HTR2C: variants seen among roughly 807,000 people sequenced by gnomAD.
HTR2C encodes the protein 5-hydroxytryptamine (serotonin) receptor 2C, G protein-coupled.
In HTR2C, 5 loss-of-function variants were observed where a neutral mutation model predicts 21.0. That is an observed-to-expected ratio of 0.24 (90% CI 0.12 to 0.50). The LOEUF (loss-of-function observed/expected upper bound fraction) is 0.50, where lower values mean the gene tolerates loss of function less well. HTR2C is among the 20% of genes least tolerant of loss of function. The pLI, the probability that HTR2C is intolerant of heterozygous loss-of-function variation, is 0.98. For synonymous variants in HTR2C, 150 were observed against 145.3 expected (o/e 1.03, Z -0.23); for missense variants, 271 against 371.2 (o/e 0.73, Z 2.22).
chrX:114,761,456 T>A (rs782816822), intron 4 of HTR2C, among the ~76,000 whole-genome samples: 24 of 111,570 alleles, frequency 2.2e-4, no homozygotes, highest in Non-Finnish European at 4.3e-4. Flanking sequence ...TGTTGACTAG[T>A]AACTTTGTAA....
chrX:114,707,087 G>T (rs983279568), intron 2 of HTR2C, among the ~76,000 whole-genome samples: 1 of 111,296 alleles, frequency 9.0e-6, no homozygotes, highest in Non-Finnish European at 1.9e-5. Context: ...ATGACTACAA[G>T]CCAGCCATCT....
chrX:114,755,927 T>C (rs1330212228), intron 4 of HTR2C, among the ~76,000 whole-genome samples: 6 of 110,098 alleles, frequency 5.4e-5, no homozygotes, highest in African/African-American at 1.7e-4. Context: ...CTGGGCAACA[T>C]TGCAAGATCC....
At chrX:114,689,063 C>A (rs902820608) in intron 2 of HTR2C, among the ~76,000 whole-genome samples, 58 of 107,836 alleles carry the variant, frequency 5.4e-4, no homozygotes, top group African/African-American at 2.0e-3. Flanking sequence ...TTAGCTCTCA[C>A]TTATAAGTGA....
At chrX:114,752,042 A>C (rs782632606) in intron 4 of HTR2C, among the ~76,000 whole-genome samples, 3 of 112,361 alleles carry the variant, frequency 2.7e-5, no homozygotes, top group East Asian at 5.6e-4. Context: ...GGGAGCAGAC[A>C]TATCAGATAT....
At chrX:114,757,974 A>AAC (rs782288836) in intron 4 of HTR2C, among the ~76,000 whole-genome samples, 17 of 108,712 alleles carry the variant, frequency 1.6e-4, no homozygotes, top group Non-Finnish European at 2.1e-4. Flanking sequence ...CATACACACA[A>AAC]ACACACACAC....
chrX:114,776,578 C>T (rs782750012), intron 4 of HTR2C: 10 of 520,743 alleles, frequency 1.9e-5, no homozygotes, highest in Middle Eastern at 3.3e-4. Flanking sequence ...CATCAAAAAC[C>T]GTGTTGGTGG....
intron 5 of HTR2C, among the ~76,000 whole-genome samples, chrX:114,899,413 G>C (rs1315722550): frequency 9.0e-6 from 1 of 111,061 alleles, no homozygotes; most frequent in Non-Finnish European, 1.9e-5. Flanking sequence ...GGGGATCCTG[G>C]GGTCAGAGTA....
chrX:114,589,251 A>G (rs1569475466), intron 1 of HTR2C, among the ~76,000 whole-genome samples: 1 of 111,918 alleles, frequency 8.9e-6, no homozygotes, highest in Non-Finnish European at 1.9e-5. Flanking sequence ...TCATCTAGAG[A>G]TTCACCTACC....
chrX:114,686,376 G>A (rs1556414214), intron 2 of HTR2C, among the ~76,000 whole-genome samples: 1 of 110,871 alleles, frequency 9.0e-6, no homozygotes, highest in East Asian at 2.8e-4. Context: ...CCCCCTATCA[G>A]ATAGTACTAT....
intron 4 of HTR2C, among the ~76,000 whole-genome samples, chrX:114,768,727 G>A (rs1009699019): frequency 9.0e-6 from 1 of 110,880 alleles, no homozygotes; most frequent in African/African-American, 3.3e-5. Flanking sequence ...TACTCAATTG[G>A]CTTTTACTCT....
At chrX:114,722,335 G>C (rs1261326874) in intron 2 of HTR2C, among the ~76,000 whole-genome samples, 4 of 111,207 alleles carry the variant, frequency 3.6e-5, no homozygotes, top group South Asian at 3.9e-4. Context: ...TGGTGTATAA[G>C]AATGCTTGTG....
chrX:114,762,753 A>G (rs375580257), intron 4 of HTR2C, among the ~76,000 whole-genome samples: 2 of 111,629 alleles, frequency 1.8e-5, no homozygotes, highest in Non-Finnish European at 1.9e-5. Flanking sequence ...ACCACTCCCC[A>G]TCTTCTTATA....
intron 2 of HTR2C, among the ~76,000 whole-genome samples, chrX:114,637,729 G>A: frequency 9.0e-6 from 1 of 111,346 alleles, no homozygotes; most frequent in African/African-American, 3.3e-5. Flanking sequence ...ATCAGGTGCA[G>A]GAAGGAAAAT....
intron 1 of HTR2C, among the ~76,000 whole-genome samples, chrX:114,602,844 T>C (rs1293317457): frequency 2.1e-5 from 2 of 97,168 alleles, no homozygotes. Flanking sequence ...TCGAGCTTGA[T>C]GTGTAGGGAA....
intron 2 of HTR2C, among the ~76,000 whole-genome samples, chrX:114,687,867 C>T (rs1931970156): frequency 9.0e-6 from 1 of 111,509 alleles, no homozygotes; most frequent in African/African-American, 3.3e-5. Flanking sequence ...TGCTCCTGAT[C>T]TTCATTAAAG....
Position 114,766,311 on chromosome X carries a change from G to A in HTR2C, c.349+34704G>A, listed in dbSNP as rs374901084. On this transcript the variant is annotated intron_variant, in intron 4 of 5. Transcript: ENST00000276198. Reference sequence around the variant, plus strand: ...ATAAGAACTTCTATTTCATACAATAGTGTTAATTTCATATGTGCTTTTATG... The same window carrying A: ...ATAAGAACTTCTATTTCATACAATAATGTTAATTTCATATGTGCTTTTATG... 5.4e-5 allele frequency among the ~76,000 whole-genome samples: 6 copies of A among 111,792 alleles called. No homozygotes were observed. The East Asian group carries it at 1.4e-3, about 26-fold the overall frequency.
rs186383031 is a variant in HTR2C at position 114,791,857 on chromosome X, T to A, written c.350-56146T>A. 3.0e-4 allele frequency among the ~76,000 whole-genome samples: 33 copies of A among 111,684 alleles called. No individual in the cohort carries two copies. In the East Asian group the frequency reaches 9.3e-3, roughly 31 times the overall value. On this transcript the variant is annotated intron_variant, in intron 4 of 5. Transcript: ENST00000276198. ...AAAATGGCTAAGGAATTTGGTAAAT[T>A]TGAGTTTACTAGTCCGTATTTCCCA...
At chrX:114,842,365 G>A (rs2070841126) in intron 4 of HTR2C, among the ~76,000 whole-genome samples, 1 of 112,085 alleles carries the variant, frequency 8.9e-6, no homozygotes, top group Non-Finnish European at 1.9e-5. Flanking sequence ...TGTTTTGCCT[G>A]ACTCAGAGCA....
At chrX:114,713,200 T>G (rs1390025312) in intron 2 of HTR2C, among the ~76,000 whole-genome samples, 1 of 111,438 alleles carries the variant, frequency 9.0e-6, no homozygotes, top group Non-Finnish European at 1.9e-5. Context: ...AACCAATCTA[T>G]CCCTTTCTCT....
Sources: gnomAD v4.1 joint callset for allele counts (sites outside exome capture counted in the v4.1 genomes callset) on GRCh38, gnomAD v4.1.1 for gene constraint, MANE v1.5 for transcripts, NCBI Gene and HGNC (gene_info 2026-07-23, HGNC 2026-07-21) for gene names.